VTA1: variants seen among roughly 807,000 people sequenced by gnomAD.
VTA1 encodes the protein vacuolar protein sorting-associated protein VTA1 homolog.
VTA1 carries 24 observed loss-of-function variants against 36.9 expected under a neutral mutation model. The ratio of observed to expected loss-of-function variants is 0.65; its 90% confidence interval spans 0.47 to 0.91. VTA1 has a LOEUF of 0.91. VTA1 is among the 40% of genes least tolerant of loss of function. VTA1 has a pLI of 0.00. For missense variants in VTA1, 393 were observed against 377.2 expected (o/e 1.04, Z -0.35); for synonymous variants, 142 against 130.2 (o/e 1.09, Z -0.62).
intron 2 of VTA1, among the ~76,000 whole-genome samples, chr6:142,169,101 C>T (rs1774979641): frequency 6.6e-6 from 1 of 151,856 alleles, no homozygotes. Context: ...GATGAACCTT[C>T]TAGTCTTATT....
chr6:142,222,437 C>T lies in VTA1; in HGVS notation c.*3794C>T, dbSNP rs987190872. 1.3e-5 allele frequency: 2 copies of T among 152,118 alleles called. No individual in the cohort carries two copies. Among genetic ancestry groups the T allele is most frequent in the Non-Finnish European group, 2.9e-5 (2 of 68,022 alleles). The allele number at this position is 152,118 out of a possible 1,614,324, so 9.4% of individuals were successfully genotyped here. A position where few individuals can be genotyped will look rare whatever the true frequency, so the allele number is the denominator to read the frequency against. ...CATGGCCTAGGAAGTTTACTGACATCAGGACTACACCAAGAAAAAGACTCC... is the reference window on the plus strand; with the variant it reads ...CATGGCCTAGGAAGTTTACTGACATTAGGACTACACCAAGAAAAAGACTCC... On this transcript the variant is annotated 3_prime_UTR_variant, in exon 8 of 8. Coordinates refer to ENST00000367630, the MANE Select transcript of VTA1 (RefSeq NM_016485.5).
chr6:142,199,256 T>C (rs225680), intron 6 of VTA1, among the ~76,000 whole-genome samples: 65,316 of 151,928 alleles, frequency 0.43, 15,042 homozygotes, highest in Middle Eastern at 0.56. Flanking sequence ...AGTTAGTCCT[T>C]AGTAGTTAAG....
rs926549380 is a variant in VTA1, at chr6:142,157,991, T to A, written c.113-8237T>A. ...CCTTTCAGGATATTGCTGTTTTAAA[T>A]GGTAATAGTACCCCCAGACATTGCA... On this transcript the variant is annotated intron_variant, in intron 1 of 7. Coordinates refer to ENST00000367630, the MANE Select transcript of VTA1 (RefSeq NM_016485.5). 3.2e-4 allele frequency among the ~76,000 whole-genome samples: 48 copies of A among 150,006 alleles called. 1 individual carries two copies. Among genetic ancestry groups the A allele is most frequent in the African/African-American group, 1.7e-4 (7 of 41,076 alleles).
intron 6 of VTA1, among the ~76,000 whole-genome samples, chr6:142,201,063 T>C (rs1050291655): frequency 2.0e-5 from 3 of 152,046 alleles, no homozygotes; most frequent in South Asian, 4.1e-4. Context: ...ATGTGCCTTC[T>C]ATGTTCCTTC....
rs1776149490 is a variant in VTA1, at chr6:142,223,420, T to G, written c.*4777T>G. ...AAATAACATCACTGTCTTTCCTAAC[T>G]AAAAATTCTTCATCTTCAGGAAATA... is the stretch of plus-strand genomic sequence containing the variant. On this transcript the variant is annotated 3_prime_UTR_variant, in exon 8 of 8. Transcript: ENST00000367630. The G allele has an allele frequency of 6.6e-6, 1 of 152,176 alleles. No individual in the cohort carries two copies. Among genetic ancestry groups the G allele is most frequent in the African/African-American group, 2.4e-5 (1 of 41,442 alleles). The allele number at this position is 152,176 out of a possible 1,614,324, so 9.4% of individuals were successfully genotyped here. A position where few individuals can be genotyped will look rare whatever the true frequency, so the allele number is the denominator to read the frequency against.
At position 142,150,943 on chromosome 6, in the gene VTA1, G is replaced by A. The variant is rs374047828; in HGVS notation, c.112+3544G>A. On this transcript the variant is annotated intron_variant, in intron 1 of 7. Coordinates refer to ENST00000367630, the MANE Select transcript of VTA1 (RefSeq NM_016485.5). ...AAAAAAAAAAAGCTAAGCATGAAAGGTTCCAAAAGAGCATTCTAATTTGAG... is the reference window on the plus strand; with the variant it reads ...AAAAAAAAAAAGCTAAGCATGAAAGATTCCAAAAGAGCATTCTAATTTGAG... Among the ~76,000 whole-genome samples, 312 of 152,012 alleles carry A rather than the reference G, an allele frequency of 2.1e-3. 2 individuals carry two copies. Among genetic ancestry groups the A allele is most frequent in the African/African-American group, 7.3e-3 (301 of 41,438 alleles).
chr6:142,197,921 A>G (rs1775586372), intron 5 of VTA1, among the ~76,000 whole-genome samples: 1 of 151,128 alleles, frequency 6.6e-6, no homozygotes, highest in Non-Finnish European at 1.5e-5. Flanking sequence ...AAAAATACAA[A>G]AAAAAAAAAA....
chr6:142,191,540 A>G (rs945772862), intron 5 of VTA1, among the ~76,000 whole-genome samples: 15 of 152,092 alleles, frequency 9.9e-5, no homozygotes, highest in African/African-American at 3.4e-4. Context: ...TTGTTTTCCA[A>G]AAGTCAGCTT....
intron 4 of VTA1, among the ~76,000 whole-genome samples, chr6:142,186,912 A>G (rs1775351723): frequency 6.6e-6 from 1 of 152,138 alleles, no homozygotes; most frequent in South Asian, 2.1e-4. Context: ...CTGTGAGATA[A>G]TAAATGGCAA....
In VTA1 at chr6:142,224,207, G is replaced by A. The variant is rs1776162018; in HGVS notation, c.*5564G>A. ...TGCACGTGTACAGAGAAGAGGCCATGTGAGGACACGCAGAGGCTCGAATAT... is the reference window on the plus strand; with the variant it reads ...TGCACGTGTACAGAGAAGAGGCCATATGAGGACACGCAGAGGCTCGAATAT... On this transcript the variant is annotated 3_prime_UTR_variant, in exon 8 of 8. Coordinates refer to ENST00000367630, the MANE Select transcript of VTA1 (RefSeq NM_016485.5). 1 of 152,246 alleles carries A rather than the reference G, an allele frequency of 6.6e-6. No homozygotes were observed. The highest frequency in any genetic ancestry group is 6.5e-5 in the Admixed American group (1 of 15,284). 9.4% of individuals were successfully genotyped at this position (152,246 alleles called of 1,614,324 possible).
intron 7 of VTA1, among the ~76,000 whole-genome samples, chr6:142,210,985 CA>C (rs1198456303): frequency 6.6e-6 from 1 of 151,308 alleles, no homozygotes; most frequent in Non-Finnish European, 1.5e-5. Context: ...ATTATTCAGC[CA>C]AAAAAAGGAA....
chr6:142,177,605 G>A (rs1432319033), intron 4 of VTA1, among the ~76,000 whole-genome samples: 3 of 152,096 alleles, frequency 2.0e-5, no homozygotes, highest in Non-Finnish European at 4.4e-5. Context: ...TCAGAAAGGA[G>A]ATCAGAGAGT....
At chr6:142,154,407 A>G (rs1778621271) in intron 1 of VTA1, among the ~76,000 whole-genome samples, 1 of 152,094 alleles carries the variant, frequency 6.6e-6, no homozygotes, top group Non-Finnish European at 1.5e-5. Context: ...TAAATTTGTG[A>G]CAATTATGAA....
intron 4 of VTA1, among the ~76,000 whole-genome samples, chr6:142,187,343 A>G (rs577746674): frequency 3.2e-4 from 48 of 152,332 alleles, no homozygotes; most frequent in African/African-American, 9.9e-4. Flanking sequence ...TACAGAGTGT[A>G]GCAGTTTGGT....
intron 1 of VTA1, among the ~76,000 whole-genome samples, chr6:142,148,435 T>C (rs1778501187): frequency 6.6e-6 from 1 of 152,226 alleles, no homozygotes; most frequent in African/African-American, 2.4e-5. Context: ...AATTGATTAT[T>C]CTCTGTGCAT....
At chr6:142,185,405 C>T (rs1388469092) in intron 4 of VTA1, among the ~76,000 whole-genome samples, 1 of 151,956 alleles carries the variant, frequency 6.6e-6, no homozygotes, top group African/African-American at 2.4e-5. Flanking sequence ...TATGTTTTTC[C>T]CCAAAGAGGG....
chr6:142,187,105 G>C (rs1775354601), intron 4 of VTA1, among the ~76,000 whole-genome samples: 1 of 152,016 alleles, frequency 6.6e-6, no homozygotes, highest in Non-Finnish European at 1.5e-5. Context: ...CCCATATTTG[G>C]ATATATAAAA....
chr6:142,198,013 C>T (rs1469052781), intron 5 of VTA1, among the ~76,000 whole-genome samples: 3 of 150,238 alleles, frequency 2.0e-5, no homozygotes, highest in South Asian at 2.1e-4. Flanking sequence ...AGGAGAATGG[C>T]GTGAACCTGG....
At chr6:142,186,269 G>A (rs1323688933) in intron 4 of VTA1, among the ~76,000 whole-genome samples, 1 of 152,118 alleles carries the variant, frequency 6.6e-6, no homozygotes, top group Non-Finnish European at 1.5e-5. Flanking sequence ...GTCAGTGAAT[G>A]GGATAGGGAC....
Sources: allele counts gnomAD v4.1 joint callset (sites outside exome capture counted in the v4.1 genomes callset), GRCh38; gene constraint gnomAD v4.1.1; transcripts MANE v1.5; gene names NCBI Gene and HGNC (gene_info 2026-07-23, HGNC 2026-07-21).